MBD5: variants seen among roughly 807,000 people sequenced by gnomAD.
MBD5 encodes methyl-CpG binding domain protein 5, also known as methyl-CpG-binding domain protein 5.
In MBD5, 13 loss-of-function variants were observed where a neutral mutation model predicts 117.3. The observed-to-expected ratio is 0.11, with a 90% CI of 0.07 to 0.18. MBD5 has a LOEUF of 0.18. MBD5 is among the 10% of genes least tolerant of loss of function. The probability of loss-of-function intolerance (pLI) is 1.00; values close to 1 mark genes in which losing one functional copy is unlikely to be tolerated. For synonymous variants in MBD5, 727 were observed against 766.4 expected (o/e 0.95, Z 0.85); for missense variants, 1,879 against 2,093.8 (o/e 0.90, Z 2.00).
At position 148,485,826 on chromosome 2, in the gene MBD5, C is replaced by T; in HGVS notation, c.3629C>T (p.Pro1210Leu). The T allele has an allele frequency of 1.2e-6, 2 of 1,614,004 alleles. No homozygotes were observed. The highest frequency in any genetic ancestry group is 1.7e-6 in the Non-Finnish European group (2 of 1,179,914). ...CTGTTAAACAACAATCAGATGTTTC[C>T]TCCAAATCAGCAACAGCAGCAACTT... ...QSLLNNNQMF[P>L]PNQQQQQLLQ... is the part of the protein sequence containing the mutation. The change falls in exon 10 of 14, where the codon CCT becomes CTT. Residue 1210 changes from proline to leucine, a missense_variant. By Grantham distance (98) the Pro-to-Leu change is moderately conservative. Transcript: ENST00000642680.
intron 1 of MBD5, among the ~76,000 whole-genome samples, chr2:148,079,789 G>A (rs550975384): frequency 2.9e-4 from 44 of 151,812 alleles, no homozygotes; most frequent in African/African-American, 9.4e-4. Flanking sequence ...CCCGGGAGGC[G>A]GAGGTTGCAG....
At chr2:148,161,003 C>T (rs1291607619) in intron 1 of MBD5, among the ~76,000 whole-genome samples, 1 of 152,164 alleles carries the variant, frequency 6.6e-6, no homozygotes, top group African/African-American at 2.4e-5. Context: ...CTTGCACATA[C>T]TGCCTTCTAC....
chr2:148,389,379 G>A (rs1259372366), intron 4 of MBD5, among the ~76,000 whole-genome samples: 5 of 143,448 alleles, frequency 3.5e-5, no homozygotes, highest in African/African-American at 1.3e-4. Flanking sequence ...ATTGTGAATA[G>A]TATTGCAATG....
intron 4 of MBD5, among the ~76,000 whole-genome samples, 171 bp from the exon 5 acceptor site, chr2:148,458,032 T>A (rs912782677): frequency 2.6e-5 from 4 of 152,084 alleles, no homozygotes; most frequent in Non-Finnish European, 5.9e-5. Flanking sequence ...TTAATTGGAG[T>A]AAGTGGACTA....
chr2:148,437,236 C>G (rs1041524291), intron 4 of MBD5, among the ~76,000 whole-genome samples: 94 of 152,270 alleles, frequency 6.2e-4, no homozygotes, highest in African/African-American at 2.2e-3. Flanking sequence ...CCGCCTCAGC[C>G]TCCCAAAGTG....
chr2:148,074,158 A>G (rs182285547), intron 1 of MBD5, among the ~76,000 whole-genome samples: 1 of 152,086 alleles, frequency 6.6e-6, no homozygotes, highest in African/African-American at 2.4e-5. Context: ...TCCTTTCCCT[A>G]TCAATTTTGG....
At chr2:148,461,744 T>C (rs1427750592) in intron 5 of MBD5, among the ~76,000 whole-genome samples, 2 of 152,212 alleles carry the variant, frequency 1.3e-5, no homozygotes, top group East Asian at 1.9e-4. Context: ...ATAACTCCCA[T>C]TGTAAATAAA....
chr2:148,043,474 A>AATAAATAAATAAATAC (rs1694430135), intron 1 of MBD5, among the ~76,000 whole-genome samples: 2 of 151,210 alleles, frequency 1.3e-5, no homozygotes, highest in Non-Finnish European at 2.9e-5. Flanking sequence ...TAAATAAATA[A>AATAAATAAATAAATAC]ATAAATAAAT....
At chr2:148,384,345 G>C (rs566223915) in intron 4 of MBD5, among the ~76,000 whole-genome samples, 3 of 151,838 alleles carry the variant, frequency 2.0e-5, no homozygotes, top group Non-Finnish European at 2.9e-5. Flanking sequence ...AAATCATGAG[G>C]GAACTCCCAT....
At chr2:148,452,066 T>C (rs1183459273) in intron 4 of MBD5, among the ~76,000 whole-genome samples, 1 of 152,192 alleles carries the variant, frequency 6.6e-6, no homozygotes, top group Non-Finnish European at 1.5e-5. Context: ...CAAAAACCAA[T>C]TCATTATTTT....
intron 3 of MBD5, among the ~76,000 whole-genome samples, chr2:148,256,728 G>T (rs1700599803): frequency 6.6e-6 from 1 of 152,358 alleles, no homozygotes; most frequent in African/African-American, 2.4e-5. Flanking sequence ...TGTGTACCAT[G>T]GCCTATCGAG....
chr2:148,106,798 C>T (rs1411152923), intron 1 of MBD5, among the ~76,000 whole-genome samples: 1 of 151,890 alleles, frequency 6.6e-6, no homozygotes, highest in East Asian at 1.9e-4. Flanking sequence ...AAAACAAAGG[C>T]CTTAATGCAG....
At chr2:148,055,120 T>C (rs1694820894) in intron 1 of MBD5, 1 of 152,170 alleles carries the variant, frequency 6.6e-6, no homozygotes, top group African/African-American at 2.4e-5. Context: ...GCTTCTTAAG[T>C]GTGTTGCTAA....
chr2:148,258,616 C>G (rs1397766794), intron 3 of MBD5, among the ~76,000 whole-genome samples: 1 of 152,174 alleles, frequency 6.6e-6, no homozygotes, highest in Non-Finnish European at 1.5e-5. Context: ...AGGTAAAGCA[C>G]CCGGGTGGGA....
chr2:148,506,288 A>G (rs1253526517), intron 12 of MBD5, among the ~76,000 whole-genome samples: 1 of 152,226 alleles, frequency 6.6e-6, no homozygotes, highest in African/African-American at 2.4e-5. Context: ...GCTTTTACAT[A>G]TGTTATAGTT....
chr2:148,179,433 A>G (rs1055604938), intron 2 of MBD5, among the ~76,000 whole-genome samples: 1 of 152,124 alleles, frequency 6.6e-6, no homozygotes, highest in African/African-American at 2.4e-5. Flanking sequence ...ATAATTAAAC[A>G]GAAAAACTAT....
At chr2:148,235,299 A>T (rs1700068144) in intron 3 of MBD5, among the ~76,000 whole-genome samples, 2 of 152,288 alleles carry the variant, frequency 1.3e-5, no homozygotes, top group East Asian at 3.9e-4. Context: ...ATACTATCAA[A>T]TTTCTTTTTC....
intron 4 of MBD5, among the ~76,000 whole-genome samples, chr2:148,345,593 GTATACACATACATA>G (rs1703100775): frequency 1.7e-5 from 1 of 58,732 alleles, no homozygotes; most frequent in Non-Finnish European, 3.4e-5. Flanking sequence ...GTATATACAC[GTATACACATACATA>G]TGTATATACA....
intron 1 of MBD5, among the ~76,000 whole-genome samples, chr2:148,109,290 G>A (rs575158725): frequency 2.6e-5 from 4 of 151,324 alleles, no homozygotes; most frequent in Non-Finnish European, 5.9e-5. Context: ...GTCTCAAAGA[G>A]AAAAAAAATT....
Sources: allele counts gnomAD v4.1 joint callset (sites outside exome capture counted in the v4.1 genomes callset), GRCh38; gene constraint gnomAD v4.1.1; transcripts MANE v1.5; gene names NCBI Gene and HGNC (gene_info 2026-07-23, HGNC 2026-07-21).